Variants in MPRIP observed in about 807,000 individuals in gnomAD.
MPRIP encodes the protein myosin phosphatase Rho interacting protein.
A neutral mutation model predicts 234.9 loss-of-function variants in MPRIP; 59 were observed. That is an observed-to-expected ratio of 0.25 (90% CI 0.20 to 0.31). The LOEUF is 0.31. MPRIP is among the 10% of genes least tolerant of loss of function. The pLI is 1.00. For synonymous variants in MPRIP, 1,144 were observed against 1,263.9 expected, an observed-to-expected ratio of 0.91 and a Z score of 2.01; for missense variants, 2,436 against 3,071.0, an observed-to-expected ratio of 0.79 and a Z score of 4.89.
chr17:17,172,867 T>C (rs1597508740), intron 18 of MPRIP, 52 bp downstream of exon 18: 2 of 1,498,048 alleles, frequency 1.3e-6, no homozygotes, highest in Non-Finnish European at 9.2e-7. Flanking sequence ...TCTGGGGTGC[T>C]GACCAGGCCA....
chr17:17,180,578 T>C (rs1157334034), intron 23 of MPRIP: 1 of 1,601,218 alleles, frequency 6.2e-7, no homozygotes, highest in Non-Finnish European at 8.6e-7. Flanking sequence ...ATTGGTTGTG[T>C]GTCTCATGTC....
intron 4 of MPRIP, among the ~76,000 whole-genome samples, chr17:17,127,582 C>T (rs191364357): frequency 5.3e-4 from 81 of 152,360 alleles, no homozygotes; most frequent in African/African-American, 1.9e-3. Flanking sequence ...GTACATAGTC[C>T]GTGCAGGTGA....
rs889261644 is a variant in MPRIP, at chr17:17,150,297, A to G, written c.1719+64A>G. ...GGCAGGGATGCATGTCAGAGTGCCT[A>G]ATGTCTGGGCTGGGGGCACTTCTGG... On this transcript the variant is annotated intron_variant, in intron 12 of 23. Transcript: ENST00000651222. 17 of 1,280,440 alleles carry G rather than the reference A, an allele frequency of 1.3e-5. No individual in the cohort carries two copies. The Admixed American group carries it at 2.7e-4, about 21-fold the overall frequency. The allele number at this position is 1,280,440 out of a possible 1,614,324, so 79.3% of individuals were successfully genotyped here. A position where few individuals can be genotyped will look rare whatever the true frequency, so the allele number is the denominator to read the frequency against.
In MPRIP at chr17:17,144,771, G is replaced by A. The variant is rs141174301; in HGVS notation, c.1503+1102G>A. On this transcript the variant is annotated intron_variant, in intron 9 of 23. Transcript: ENST00000651222. ...TTTGAGAGGCTGAGGCAGGAGAATC[G>A]CTTGAACCCGGGAGGCGGAGGTTGC... Among the ~76,000 whole-genome samples the A allele has an allele frequency of 8.8e-3, 1,337 of 152,308 alleles. 18 individuals carry two copies. The highest frequency in any genetic ancestry group is 0.03 in the African/African-American group (1,260 of 41,554).
intron 3 of MPRIP, chr17:17,096,888 A>ACGGC: frequency 4.5e-6 from 2 of 445,102 alleles, no homozygotes; most frequent in Admixed American, 2.6e-5. Context: ...TAAATATGAA[A>ACGGC]AAGCATCCTT....
chr17:17,175,702 C>T (rs185979605), intron 20 of MPRIP, among the ~76,000 whole-genome samples: 212 of 152,308 alleles, frequency 1.4e-3, no homozygotes, highest in Middle Eastern at 0.014. Context: ...ACTGACCACT[C>T]AAAAGGACAC....
intron 1 of MPRIP, among the ~76,000 whole-genome samples, chr17:17,047,239 CATG>C (rs1162828758): frequency 1.3e-5 from 2 of 152,116 alleles, no homozygotes; most frequent in East Asian, 3.8e-4. Flanking sequence ...AGGCAGCTGG[CATG>C]ATGTGTGGCC....
chr17:17,077,153 G>C (rs1383303435), intron 2 of MPRIP: 1 of 152,066 alleles, frequency 6.6e-6, no homozygotes, highest in Non-Finnish European at 1.5e-5. Flanking sequence ...TGCTGCCCAG[G>C]CTGGATTGGG....
At chr17:17,045,017 G>A (rs1408176462) in intron 1 of MPRIP, among the ~76,000 whole-genome samples, 2 of 152,142 alleles carry the variant, frequency 1.3e-5, no homozygotes, top group Non-Finnish European at 2.9e-5. Flanking sequence ...CTTCTCTGCT[G>A]CTCTCTGCAT....
rs548669047 is a variant in MPRIP at position 17,109,457 on chromosome 17, GCA to G, written c.268-17240_268-17239del. Among the ~76,000 whole-genome samples the G allele has an allele frequency of 1.7e-3, 255 of 152,342 alleles. 1 individual carries two copies. The highest frequency in any genetic ancestry group is 2.9e-3 in the Non-Finnish European group (199 of 68,036). On this transcript the variant is annotated intron_variant, in intron 3 of 23. Coordinates refer to ENST00000651222, the MANE Select transcript of MPRIP (RefSeq NM_001364716.4). Reference sequence around the variant, plus strand: ...ACGGCAGGTGGCAGGAGCCACTGTTGCACACAGTGACAAGGAACAGGCAGGCA... The same window carrying G: ...ACGGCAGGTGGCAGGAGCCACTGTTGCACAGTGACAAGGAACAGGCAGGCA...
In MPRIP at chr17:17,138,165, T is replaced by G; in HGVS notation, c.986T>G (p.Ile329Ser). ...CTCCCCCACCAAATGGTCTGCAGCATCTCCCTCAGCTCCCTGGATGTGGCC... is the reference window on the plus strand; with the variant it reads ...CTCCCCCACCAAATGGTCTGCAGCAGCTCCCTCAGCTCCCTGGATGTGGCC... ...PRLPHQMVCS[I>S]SLSSLDVASQ... The change falls in exon 7 of 24, where the codon ATC becomes AGC. Residue 329 changes from isoleucine to serine, a missense_variant. Physicochemically the swap from Ile to Ser is moderately radical, Grantham distance 142. Transcript: ENST00000651222. The surrounding 1 kb of genome is among the most constrained non-coding windows in gnomAD (Gnocchi z 5.8). The G allele has an allele frequency of 8.3e-7, 1 of 1,200,028 alleles. No homozygotes were observed. Among genetic ancestry groups the G allele is most frequent in the Admixed American group, 2.4e-5 (1 of 41,344 alleles). The allele number at this position is 1,200,028 out of a possible 1,614,324, so 74.3% of individuals were successfully genotyped here.
intron 3 of MPRIP, among the ~76,000 whole-genome samples, chr17:17,080,348 G>A (rs1212400525): frequency 6.6e-6 from 1 of 152,244 alleles, no homozygotes; most frequent in Non-Finnish European, 1.5e-5. Context: ...ACAGCCTGTA[G>A]CCCAGGAGCT....
chr17:17,179,905 A>G, intron 22 of MPRIP, 98 bp from the exon 23 acceptor site: 1 of 941,036 alleles, frequency 1.1e-6, no homozygotes, highest in Non-Finnish European at 1.7e-6. Flanking sequence ...AGTATGCTGC[A>G]GTAGGAAGCT....
intron 1 of MPRIP, among the ~76,000 whole-genome samples, chr17:17,065,086 A>G (rs2088981215): frequency 6.6e-6 from 1 of 152,106 alleles, no homozygotes; most frequent in Non-Finnish European, 1.5e-5. Flanking sequence ...TCTTCTGTAG[A>G]AAGTCTTCTC....
intron 11 of MPRIP, among the ~76,000 whole-genome samples, chr17:17,149,416 C>T (rs2045548305): frequency 6.6e-6 from 1 of 151,682 alleles, no homozygotes; most frequent in African/African-American, 2.4e-5. Context: ...TCACTTGAAC[C>T]CGGGAGGCAG....
chr17:17,126,960 G>T, intron 4 of MPRIP, 107 bp downstream of exon 4: 1 of 1,361,942 alleles, frequency 7.3e-7, no homozygotes, highest in Non-Finnish European at 1.0e-6. Context: ...ACTTCCCCGT[G>T]TGCCTCTATT....
At chr17:17,132,572 C>A (rs772178801) in intron 5 of MPRIP, among the ~76,000 whole-genome samples, 5 of 152,208 alleles carry the variant, frequency 3.3e-5, no homozygotes, top group African/African-American at 1.2e-4. Context: ...TGAAGAGAGC[C>A]AGCCCACGGG....
chr17:17,060,212 C>T (rs2088828714), intron 1 of MPRIP, among the ~76,000 whole-genome samples: 1 of 152,190 alleles, frequency 6.6e-6, no homozygotes, highest in Non-Finnish European at 1.5e-5. Flanking sequence ...ATGTGTGCCT[C>T]ATGGGCAATG....
chr17:17,110,257 G>A (rs917759471), intron 3 of MPRIP, among the ~76,000 whole-genome samples: 11 of 152,098 alleles, frequency 7.2e-5, no homozygotes, highest in African/African-American at 2.7e-4. Context: ...CTCCCCAGAT[G>A]AGATCCCCAA....
Sources: gnomAD v4.1 joint callset for allele counts (sites outside exome capture counted in the v4.1 genomes callset) on GRCh38, gnomAD v4.1.1 for gene constraint, Gnocchi (gnomAD v3.1) non-coding constraint, MANE v1.5 for transcripts, NCBI Gene and HGNC (gene_info 2026-07-23, HGNC 2026-07-21) for gene names.